The following KYAT3 variants were observed in gnomAD, a reference collection of about 807,000 sequenced individuals.
KYAT3 encodes kynurenine--oxoglutarate transaminase 3.
In KYAT3, 50 loss-of-function variants were observed where a neutral mutation model predicts 59.0. The observed-to-expected ratio is 0.85, with a 90% CI of 0.68 to 1.07. The LOEUF is 1.07. Ranked by LOEUF, KYAT3 falls within the 50% of genes least tolerant of loss-of-function variation. The probability of loss-of-function intolerance (pLI) is 0.00; values close to 1 mark genes in which losing one functional copy is unlikely to be tolerated. For synonymous variants in KYAT3, 148 were observed against 177.0 expected, an observed-to-expected ratio of 0.84 and a Z score of 1.30; for missense variants, 497 against 533.3, an observed-to-expected ratio of 0.93 and a Z score of 0.67.
chr1:88,983,482 T>C lies in KYAT3; in HGVS notation c.99+4770A>G, dbSNP rs1336958328. The C allele has an allele frequency of 3.7e-6, 6 of 1,614,124 alleles. No individual in the cohort carries two copies. The Middle Eastern group carries it at 9.9e-4, about 266-fold the overall frequency. The stretch of plus-strand genomic sequence containing the variant: ...AAGGAGGTCCCCTGGTTCCTCCACT[T>C]CCTCCTCTTCCAGCTCCAAAACCTC... On this transcript the variant is annotated intron_variant, in intron 2 of 13. Transcript: ENST00000260508.
the KYAT3 span, among the ~76,000 whole-genome samples, chr1:88,922,207 G>T: frequency 6.6e-6 from 1 of 152,102 alleles, no homozygotes; most frequent in South Asian, 2.1e-4. Flanking sequence ...GTGACAGAAT[G>T]AGGCCCCCTC....
At chr1:88,934,989 ATTTTTT>A (rs59691903), downstream of KYAT3, among the ~76,000 whole-genome samples, 8 of 110,102 alleles carry the variant, frequency 7.3e-5, no homozygotes, top group Admixed American at 2.0e-4. Context: ...TAAAGAAGTG[ATTTTTT>A]TTTTTTTTTT....
At chr1:88,927,668 C>G in the KYAT3 span, among the ~76,000 whole-genome samples, 1 of 152,120 alleles carries the variant, frequency 6.6e-6, no homozygotes, top group African/African-American at 2.4e-5. Context: ...ATGCCCCCTC[C>G]AAGCAGTAGG....
the KYAT3 span, among the ~76,000 whole-genome samples, chr1:88,928,041 G>A: frequency 2.0e-4 from 31 of 152,124 alleles, no homozygotes; most frequent in African/African-American, 1.4e-4. Flanking sequence ...GATTGGTGCC[G>A]CAGACATTTG....
At chr1:88,952,584 T>G (rs544673895) in intron 10 of KYAT3, among the ~76,000 whole-genome samples, 135 of 152,322 alleles carry the variant, frequency 8.9e-4, no homozygotes, top group African/African-American at 3.1e-3. Flanking sequence ...TCCACCATTA[T>G]TGTAAGTTTT....
At chr1:88,985,126 GA>G (rs1311540944) in intron 2 of KYAT3, among the ~76,000 whole-genome samples, 1 of 152,204 alleles carries the variant, frequency 6.6e-6, no homozygotes, top group Non-Finnish European at 1.5e-5. Context: ...TACATGGCTG[GA>G]ATGCCAGAAA....
chr1:88,962,237 G>T (rs1353581133), intron 5 of KYAT3, 92 bp from the exon 6 acceptor site: 3 of 966,224 alleles, frequency 3.1e-6, no homozygotes, highest in Non-Finnish European at 5.0e-6. Context: ...ACTGTACTAT[G>T]TGTTGGGATA....
In KYAT3 at chr1:88,961,306, A is replaced by C; in HGVS notation, c.667-19T>G. 1 of 1,613,688 alleles carries C rather than the reference A, an allele frequency of 6.2e-7. No individual in the cohort carries two copies. The highest frequency in any genetic ancestry group is 8.5e-7 in the Non-Finnish European group (1 of 1,179,844). On this transcript the variant is annotated intron_variant, in intron 7 of 13. Transcript: ENST00000260508. Reference sequence around the variant, plus strand: ...TATACACCTACACATAATAAAGGAAAGAGCACAGCCAATTATTCAACATGT... The same window carrying C: ...TATACACCTACACATAATAAAGGAACGAGCACAGCCAATTATTCAACATGT...
At chr1:88,989,820 T>G (rs1677683725) in intron 1 of KYAT3, among the ~76,000 whole-genome samples, 1 of 152,118 alleles carries the variant, frequency 6.6e-6, no homozygotes, top group Non-Finnish European at 1.5e-5. Flanking sequence ...AACCCCTCTC[T>G]CCTATCTGTC....
chr1:88,927,517 C>A, the KYAT3 span, among the ~76,000 whole-genome samples: 1,377 of 152,230 alleles, frequency 9.0e-3, 20 homozygotes, highest in African/African-American at 0.032. Context: ...CTACAGGAAG[C>A]CCTCAGAGTC....
At chr1:88,966,264 T>G (rs1421145820) in intron 4 of KYAT3, among the ~76,000 whole-genome samples, 1 of 152,164 alleles carries the variant, frequency 6.6e-6, no homozygotes, top group Non-Finnish European at 1.5e-5. Context: ...TTACAAAATT[T>G]GACATATTGG....
intron 1 of KYAT3, among the ~76,000 whole-genome samples, chr1:88,988,599 G>C (rs1313673030): frequency 6.6e-6 from 1 of 152,096 alleles, no homozygotes; most frequent in African/African-American, 2.4e-5. Flanking sequence ...AGAGCTTTAA[G>C]AATATTCTTA....
At chr1:88,965,026 C>T (rs749190115) in intron 4 of KYAT3, 48 bp from the exon 5 acceptor site, 4 of 1,482,268 alleles carry the variant, frequency 2.7e-6, no homozygotes, top group Non-Finnish European at 3.7e-6. Context: ...AATATGGGAC[C>T]TACTGTTTGA....
At chr1:88,978,507 A>C (rs1228825322) in intron 2 of KYAT3, among the ~76,000 whole-genome samples, 1 of 151,412 alleles carries the variant, frequency 6.6e-6, no homozygotes, top group Non-Finnish European at 1.5e-5. Flanking sequence ...GGTTAACTTT[A>C]ATTTTTTTGA....
At chr1:88,921,439 C>T in the KYAT3 span, among the ~76,000 whole-genome samples, 1 of 152,106 alleles carries the variant, frequency 6.6e-6, no homozygotes, top group Admixed American at 6.5e-5. Flanking sequence ...ATTGGTTTTT[C>T]AATAGCCAAA....
At chr1:88,971,178 T>C in intron 2 of KYAT3, among the ~76,000 whole-genome samples, 1 of 152,200 alleles carries the variant, frequency 6.6e-6, no homozygotes, top group East Asian at 1.9e-4. Context: ...GGATGATTTA[T>C]ACATAAAAAA....
chr1:88,968,024 C>T (rs1676409368), intron 4 of KYAT3, among the ~76,000 whole-genome samples: 1 of 152,162 alleles, frequency 6.6e-6, no homozygotes, highest in African/African-American at 2.4e-5. Flanking sequence ...AGGTAAGTTT[C>T]ACTGCTTTTC....
Position 88,943,014 on chromosome 1 carries a change from G to A in KYAT3, c.1293C>T (p.Cys431=). 6.2e-7 allele frequency: 1 copy of A among 1,611,250 alleles called. No homozygotes were observed. The highest frequency in any genetic ancestry group is 8.5e-7 in the Non-Finnish European group (1 of 1,177,848). ...AGAGCAGGGAACTTACTTTAATGAA[G>A]CAAAAACGCACAAACTTCTCAAACT... ...KSQFEKFVRF[C]FIKKDSTLDA... Residue 431 remains cysteine, a synonymous_variant, in exon 13 of 14, where the codon TGC becomes TGT. Coordinates refer to ENST00000260508, the MANE Select transcript of KYAT3 (RefSeq NM_001008661.3).
intron 2 of KYAT3, among the ~76,000 whole-genome samples, chr1:88,971,756 G>A (rs1455375657): frequency 6.6e-6 from 1 of 152,124 alleles, no homozygotes; most frequent in Non-Finnish European, 1.5e-5. Context: ...CACTTGCCAA[G>A]TGCAGTTCTC....
Sources: allele counts gnomAD v4.1 joint callset (sites outside exome capture counted in the v4.1 genomes callset), GRCh38; gene constraint gnomAD v4.1.1; transcripts MANE v1.5; gene names NCBI Gene and HGNC (gene_info 2026-07-23, HGNC 2026-07-21).